KDM4C: variants seen among roughly 807,000 people sequenced by gnomAD.
KDM4C encodes lysine demethylase 4C.
A neutral mutation model predicts 129.3 loss-of-function variants in KDM4C; 81 were observed. That is an observed-to-expected ratio of 0.63 (90% CI 0.52 to 0.75). KDM4C has a LOEUF of 0.75. Ranked by LOEUF, KDM4C falls within the 30% of genes least tolerant of loss-of-function variation. The pLI, the probability that KDM4C is intolerant of heterozygous loss-of-function variation, is 0.00. For missense variants in KDM4C, 1,457 were observed against 1,304.0 expected, an observed-to-expected ratio of 1.12 and a Z score of -1.81; for synonymous variants, 573 against 456.1, an observed-to-expected ratio of 1.26 and a Z score of -3.26.
At chr9:6,986,013 C>G (rs927472480) in intron 10 of KDM4C, among the ~76,000 whole-genome samples, 2 of 152,204 alleles carry the variant, frequency 1.3e-5, no homozygotes, top group African/African-American at 4.8e-5. Context: ...TTCTCTTACA[C>G]TGTGTTTAAT....
intron 8 of KDM4C, among the ~76,000 whole-genome samples, chr9:6,932,955 C>T (rs1824037418): frequency 6.6e-6 from 1 of 152,178 alleles, no homozygotes; most frequent in African/African-American, 2.4e-5. Flanking sequence ...AAGTTTTCCT[C>T]TTTGGTGTAG....
chr9:6,890,550 G>T (rs927398694), intron 7 of KDM4C, among the ~76,000 whole-genome samples: 2 of 151,940 alleles, frequency 1.3e-5, no homozygotes, highest in African/African-American at 4.8e-5. Flanking sequence ...TTCTTTTATG[G>T]TATGAGATTG....
At chr9:6,913,205 CTTG>C (rs1309060634) in intron 8 of KDM4C, among the ~76,000 whole-genome samples, 81 of 152,156 alleles carry the variant, frequency 5.3e-4, no homozygotes, top group East Asian at 7.7e-4. Flanking sequence ...GATAATATAA[CTTG>C]ATTATATTTT....
chr9:6,972,034 C>T (rs1156875600), intron 8 of KDM4C, among the ~76,000 whole-genome samples: 1 of 151,958 alleles, frequency 6.6e-6, no homozygotes, highest in Non-Finnish European at 1.5e-5. Context: ...GTGTTGAAAA[C>T]AACTGAGAAC....
intron 1 of KDM4C, among the ~76,000 whole-genome samples, chr9:6,772,908 C>T (rs549559651): frequency 2.6e-5 from 4 of 151,338 alleles, no homozygotes; most frequent in Non-Finnish European, 4.4e-5. Flanking sequence ...GTTGGCCAGG[C>T]TGGTCCCGAA....
At chr9:7,065,925 A>G (rs994091163) in intron 17 of KDM4C, among the ~76,000 whole-genome samples, 1 of 151,958 alleles carries the variant, frequency 6.6e-6, no homozygotes, top group Non-Finnish European at 1.5e-5. Context: ...GTCTTTTCCT[A>G]GCTTTCACGA....
intron 15 of KDM4C, among the ~76,000 whole-genome samples, chr9:7,019,790 T>TA (rs1200204003): frequency 4.4e-4 from 32 of 72,182 alleles, no homozygotes; most frequent in Non-Finnish European, 5.7e-4. Context: ...ATAAAAATAT[T>TA]TTAGAAGCAA....
intron 8 of KDM4C, among the ~76,000 whole-genome samples, chr9:6,977,818 C>G (rs1409949036): frequency 6.6e-6 from 1 of 152,040 alleles, no homozygotes; most frequent in East Asian, 1.9e-4. Context: ...TTTCAATCCC[C>G]CACAAGTCTG....
chr9:6,982,952 C>A (rs55974543), intron 9 of KDM4C, among the ~76,000 whole-genome samples: 2,153 of 152,246 alleles, frequency 0.014, 24 homozygotes, highest in Admixed American at 0.024. Context: ...ATTGATCTCC[C>A]TTTGGAAATA....
intron 11 of KDM4C, among the ~76,000 whole-genome samples, chr9:6,989,016 G>C (rs1818254033): frequency 6.6e-6 from 1 of 152,174 alleles, no homozygotes; most frequent in African/African-American, 2.4e-5. Context: ...CTTCTTGAGA[G>C]CAGAAACCTG....
intron 19 of KDM4C, among the ~76,000 whole-genome samples, chr9:7,164,413 TG>T (rs1425573142): frequency 1.3e-5 from 2 of 151,276 alleles, no homozygotes; most frequent in Non-Finnish European, 1.5e-5. Context: ...ATTACTGCCT[TG>T]GGAGGTGGCA....
intron 1 of KDM4C, chr9:6,723,449 G>T (rs1208047717): frequency 6.6e-6 from 1 of 152,010 alleles, no homozygotes; most frequent in African/African-American, 2.4e-5. Context: ...GTCCAAAACT[G>T]TGCTTATTGG....
intron 7 of KDM4C, among the ~76,000 whole-genome samples, chr9:6,888,315 TATAAA>T (rs1325520307): frequency 2.6e-5 from 4 of 152,368 alleles, no homozygotes; most frequent in African/African-American, 7.2e-5. Context: ...TAGCACATTC[TATAAA>T]ATAAGAGGAA....
intron 4 of KDM4C, chr9:6,834,470 T>C: frequency 1.8e-6 from 1 of 548,086 alleles, no homozygotes; most frequent in Non-Finnish European, 3.5e-6. Context: ...ATGATGATAT[T>C]GCTACGCCCG....
At chr9:6,899,032 G>A (rs1588997902) in intron 8 of KDM4C, among the ~76,000 whole-genome samples, 1 of 151,574 alleles carries the variant, frequency 6.6e-6, no homozygotes, top group Non-Finnish European at 1.5e-5. Context: ...TATGAACTTA[G>A]TGAGTATGGG....
At chr9:6,753,047 G>A (rs895823261), upstream of KDM4C, among the ~76,000 whole-genome samples, 12 of 152,128 alleles carry the variant, frequency 7.9e-5, no homozygotes, top group African/African-American at 2.7e-4. Context: ...TTTGATCTAA[G>A]CTCTGATGTA....
chr9:6,873,903 C>CGA (rs1310456528), intron 5 of KDM4C, among the ~76,000 whole-genome samples: 3 of 136,098 alleles, frequency 2.2e-5, no homozygotes, highest in African/African-American at 8.2e-5. Flanking sequence ...CACTTAGAGG[C>CGA]GAGAGAGAGA....
intron 8 of KDM4C, among the ~76,000 whole-genome samples, chr9:6,915,228 G>A (rs1050408032): frequency 2.0e-5 from 3 of 152,166 alleles, no homozygotes; most frequent in Non-Finnish European, 4.4e-5. Flanking sequence ...CAAGAAGCAC[G>A]TGATCTCTTT....
chr9:7,085,701 A>G (rs7022105), intron 17 of KDM4C, among the ~76,000 whole-genome samples: 9,546 of 152,138 alleles, frequency 0.063, 955 homozygotes, highest in African/African-American at 0.21. Flanking sequence ...TGTTATGTTT[A>G]TCTTCTCAGA....
Sources: allele counts gnomAD v4.1 joint callset (sites outside exome capture counted in the v4.1 genomes callset), GRCh38; gene constraint gnomAD v4.1.1; transcripts MANE v1.5; gene names NCBI Gene and HGNC (gene_info 2026-07-23, HGNC 2026-07-21).